The following PTPRZ1 variants were observed in gnomAD, a reference collection of about 807,000 sequenced individuals.
The protein encoded by PTPRZ1 is receptor-type tyrosine-protein phosphatase zeta.
PTPRZ1 carries 82 observed loss-of-function variants against 214.1 expected under a neutral mutation model. That is an observed-to-expected ratio of 0.38 (90% CI 0.32 to 0.46). PTPRZ1 has a LOEUF of 0.46. Ranked by LOEUF, PTPRZ1 falls within the 20% of genes least tolerant of loss-of-function variation. The pLI, the probability that PTPRZ1 is intolerant of heterozygous loss-of-function variation, is 1.00. For synonymous variants in PTPRZ1, 945 were observed against 987.9 expected (o/e 0.96, Z 0.81); for missense variants, 2,603 against 2,748.7 (o/e 0.95, Z 1.19).
chr7:121,989,485 C>G (rs1316227386), intron 8 of PTPRZ1, among the ~76,000 whole-genome samples: 1 of 151,860 alleles, frequency 6.6e-6, no homozygotes, highest in Non-Finnish European at 1.5e-5. Flanking sequence ...AGTGATTCTC[C>G]TGCCTCAGCC....
At chr7:121,968,895 A>G (rs118130034) in intron 3 of PTPRZ1, among the ~76,000 whole-genome samples, 14,760 of 152,186 alleles carry the variant, frequency 0.097, 999 homozygotes, top group Non-Finnish European at 0.13. Context: ...TATATTTTCT[A>G]TATTTAGGTA....
chr7:121,913,174 A>G (rs749941060), intron 1 of PTPRZ1, among the ~76,000 whole-genome samples: 11 of 152,190 alleles, frequency 7.2e-5, no homozygotes, highest in Non-Finnish European at 1.3e-4. Context: ...ATACCATATG[A>G]TGCATGAGAA....
At chr7:121,931,496 A>T (rs1265746515) in intron 2 of PTPRZ1, among the ~76,000 whole-genome samples, 1 of 152,110 alleles carries the variant, frequency 6.6e-6, no homozygotes, top group East Asian at 1.9e-4. Flanking sequence ...CTGCCTAGGG[A>T]ATAAGAAAAT....
At chr7:122,021,216 A>G (rs1799006678) in intron 13 of PTPRZ1, among the ~76,000 whole-genome samples, 1 of 152,184 alleles carries the variant, frequency 6.6e-6, no homozygotes, top group Admixed American at 6.6e-5. Flanking sequence ...AAATTTGGAA[A>G]TCAGTATCTT....
chr7:121,951,873 G>A (rs1796550612), intron 2 of PTPRZ1, among the ~76,000 whole-genome samples: 1 of 152,112 alleles, frequency 6.6e-6, no homozygotes, highest in African/African-American at 2.4e-5. Context: ...TACTGTTACT[G>A]AATAGACTGT....
At chr7:121,958,917 A>G (rs548129048) in intron 2 of PTPRZ1, among the ~76,000 whole-genome samples, 31 of 152,174 alleles carry the variant, frequency 2.0e-4, no homozygotes, top group South Asian at 8.3e-4. Flanking sequence ...TCCGCCTCCC[A>G]GGTTCAAGCC....
At position 122,010,997 on chromosome 7, in the gene PTPRZ1, A is replaced by T; in HGVS notation, c.1951A>T (p.Asn651Tyr). Reference sequence around the variant, plus strand: ...ACTAAAGGATCCTTCTATGGAGGGAAATGTGTGGTTTCCTAGCTCTACAGA... The same window carrying T: ...ACTAAAGGATCCTTCTATGGAGGGATATGTGTGGTTTCCTAGCTCTACAGA... ...ESLKDPSMEGNVWFPSSTDIT... is the reference protein window; with the variant it reads ...ESLKDPSMEGYVWFPSSTDIT... The change falls in exon 12 of 30, where the codon AAT becomes TAT. Residue 651 changes from asparagine to tyrosine, a missense_variant. Asn to Tyr is a moderately radical substitution (Grantham distance 143, BLOSUM62 -2). Around this residue, in one of 6 missense-constraint regions of PTPRZ1, gnomAD observed 1,913 missense variants for 1,914.3 expected, o/e 1.00. Transcript: ENST00000393386. 1 of 1,614,152 alleles carries T rather than the reference A, an allele frequency of 6.2e-7. No individual in the cohort carries two copies. The highest frequency in any genetic ancestry group is 8.5e-7 in the Non-Finnish European group (1 of 1,180,006).
chr7:121,892,453 T>A (rs1309973979), intron 1 of PTPRZ1, among the ~76,000 whole-genome samples: 1 of 151,884 alleles, frequency 6.6e-6, no homozygotes, highest in Non-Finnish European at 1.5e-5. Context: ...AGTACCTGCC[T>A]GGTAAAAGGA....
chr7:121,973,448 G>A (rs1044760272), intron 4 of PTPRZ1, among the ~76,000 whole-genome samples: 2 of 151,998 alleles, frequency 1.3e-5, no homozygotes, highest in Non-Finnish European at 2.9e-5. Flanking sequence ...GACTGAGAGT[G>A]GAGTCTGAAT....
intron 1 of PTPRZ1, among the ~76,000 whole-genome samples, chr7:121,886,162 A>G (rs1406262110): frequency 6.6e-6 from 1 of 152,060 alleles, no homozygotes; most frequent in Non-Finnish European, 1.5e-5. Context: ...ATTGATATAG[A>G]CTTTTTTGTG....
At chr7:121,931,742 A>G (rs1795932593) in intron 2 of PTPRZ1, among the ~76,000 whole-genome samples, 1 of 152,238 alleles carries the variant, frequency 6.6e-6, no homozygotes, top group African/African-American at 2.4e-5. Flanking sequence ...TGGGCTGAGT[A>G]TAGACACAGC....
intron 1 of PTPRZ1, among the ~76,000 whole-genome samples, chr7:121,887,335 A>G (rs1424337795): frequency 6.6e-6 from 1 of 152,194 alleles, no homozygotes; most frequent in Non-Finnish European, 1.5e-5. Context: ...TCAAATGTTA[A>G]ACGTTGCTAC....
At chr7:122,025,573 T>A (rs930878867) in intron 13 of PTPRZ1, among the ~76,000 whole-genome samples, 2 of 152,170 alleles carry the variant, frequency 1.3e-5, no homozygotes, top group South Asian at 4.1e-4. Context: ...TCTGGTGATC[T>A]GCCTGCCTAG....
At chr7:121,894,614 T>C (rs1183730838) in intron 1 of PTPRZ1, among the ~76,000 whole-genome samples, 3 of 152,182 alleles carry the variant, frequency 2.0e-5, no homozygotes, top group East Asian at 3.9e-4. Context: ...CTATGTTGCG[T>C]AGGCTCACCT....
rs200857181 is a variant in PTPRZ1 at position 122,010,779 on chromosome 7, A to G, written c.1733A>G (p.Lys578Arg). ...GAGGAGAGTTTATTGACCAGTTTCA[A>G]GCTTGATACTGGAGCTGAAGATTCT... ...YEEESLLTSF[K>R]LDTGAEDSSG... Residue 578 changes from lysine to arginine, a missense_variant, in exon 12 of 30, where the codon AAG (lysine) becomes AGG (arginine). This residue lies in a region of PTPRZ1 where 1,913 missense variants were observed against 1,914.3 expected (regional missense o/e 1.00). Coordinates refer to ENST00000393386, the MANE Select transcript of PTPRZ1 (RefSeq NM_002851.3). 3 of 1,613,984 alleles carry G rather than the reference A, an allele frequency of 1.9e-6. No homozygotes were observed. The highest frequency in any genetic ancestry group is 1.3e-5 in the African/African-American group (1 of 75,008).
At chr7:122,002,831 C>G (rs1371720902) in intron 10 of PTPRZ1, among the ~76,000 whole-genome samples, 1 of 152,130 alleles carries the variant, frequency 6.6e-6, no homozygotes, top group African/African-American at 2.4e-5. Context: ...ATGTGTACCA[C>G]TAATAAGTAT....
chr7:121,917,365 AT>A (rs1414274143), intron 1 of PTPRZ1, among the ~76,000 whole-genome samples: 1 of 152,140 alleles, frequency 6.6e-6, no homozygotes. Context: ...CAGGATTTGT[AT>A]TTTCAATGTG....
intron 8 of PTPRZ1, among the ~76,000 whole-genome samples, chr7:121,987,444 C>T (rs188812034): frequency 6.6e-6 from 1 of 152,290 alleles, no homozygotes; most frequent in East Asian, 1.9e-4. Context: ...ATTGCTGGGT[C>T]AAACGGTAGC....
At chr7:121,935,855 A>G (rs1003509185) in intron 2 of PTPRZ1, among the ~76,000 whole-genome samples, 8 of 152,116 alleles carry the variant, frequency 5.3e-5, no homozygotes, top group African/African-American at 1.9e-4. Context: ...GGTATGAGCC[A>G]CCTCGCAGAG....
Sources: allele counts gnomAD v4.1 joint callset (sites outside exome capture counted in the v4.1 genomes callset), GRCh38; gene constraint gnomAD v4.1.1; regional missense constraint gnomAD v4.1.1; transcripts MANE v1.5; gene names NCBI Gene and HGNC (gene_info 2026-07-23, HGNC 2026-07-21).